Variants in FOXP1 observed in about 807,000 individuals in gnomAD.
The protein encoded by FOXP1 is forkhead box protein P1.
Under a neutral mutation model 98.2 loss-of-function variants are expected in FOXP1, and 15 were observed. The observed-to-expected ratio is 0.15, with a 90% CI of 0.10 to 0.24. The LOEUF is 0.24. FOXP1 is among the 10% of genes least tolerant of loss of function. The probability of loss-of-function intolerance (pLI) is 1.00; values close to 1 mark genes in which losing one functional copy is unlikely to be tolerated. For missense variants in FOXP1, 633 were observed against 848.5 expected, an observed-to-expected ratio of 0.75 and a Z score of 3.15; for synonymous variants, 371 against 314.5, an observed-to-expected ratio of 1.18 and a Z score of -1.90.
intron 2 of FOXP1, among the ~76,000 whole-genome samples, chr3:71,555,964 A>T (rs2046097045): frequency 6.6e-6 from 1 of 152,134 alleles, no homozygotes; most frequent in Non-Finnish European, 1.5e-5. Context: ...AAAAGGAAAA[A>T]AAATTAAACA....
At chr3:71,291,712 A>ATTTTT (rs11438381) in intron 5 of FOXP1, among the ~76,000 whole-genome samples, 8 of 125,198 alleles carry the variant, frequency 6.4e-5, no homozygotes, top group Admixed American at 6.1e-4. Context: ...CTTATTCTGT[A>ATTTTT]TTTTTTTTTT....
chr3:71,147,735 A>G (rs1236583009), intron 6 of FOXP1, among the ~76,000 whole-genome samples: 1 of 152,214 alleles, frequency 6.6e-6, no homozygotes. Context: ...CCAAATGAAT[A>G]AATGATCATA....
chr3:71,291,345 T>C (rs1220355075), intron 5 of FOXP1, among the ~76,000 whole-genome samples: 1 of 152,264 alleles, frequency 6.6e-6, no homozygotes, highest in Non-Finnish European at 1.5e-5. Context: ...ATGTAATCGA[T>C]GAAGAAAAAT....
intron 6 of FOXP1, among the ~76,000 whole-genome samples, chr3:71,145,738 C>T (rs2060279692): frequency 6.6e-6 from 1 of 151,944 alleles, no homozygotes; most frequent in Non-Finnish European, 1.5e-5. Flanking sequence ...TTTCCCTTTC[C>T]CTATAATTTT....
At chr3:71,313,555 T>G (rs2074856103) in intron 4 of FOXP1, among the ~76,000 whole-genome samples, 1 of 151,444 alleles carries the variant, frequency 6.6e-6, no homozygotes, top group African/African-American at 2.4e-5. Context: ...TGAGACAGTC[T>G]CGCACTCTCG....
Position 70,972,236 on chromosome 3 carries a change from G to A in FOXP1, c.1652+319C>T, listed in dbSNP as rs538537151. ...AGTGGCAACAAAAGGAGACGGGGTT[G>A]GGGGCAGAACAGACATCCAATACAG... On this transcript the variant is annotated intron_variant, in intron 18 of 20. Transcript: ENST00000649528. 2.9e-5 allele frequency: 42 copies of A among 1,425,362 alleles called. No individual in the cohort carries two copies. In the African/African-American group the frequency reaches 4.2e-4, roughly 14 times the overall value. The allele number at this position is 1,425,362 out of a possible 1,614,324, so 88.3% of individuals were successfully genotyped here.
At chr3:71,462,265 TG>T (rs2088212360) in intron 3 of FOXP1, among the ~76,000 whole-genome samples, 1 of 152,230 alleles carries the variant, frequency 6.6e-6, no homozygotes, top group South Asian at 2.1e-4. Flanking sequence ...TTTACCATTT[TG>T]TTTGAAAGGC....
intron 5 of FOXP1, among the ~76,000 whole-genome samples, chr3:71,274,805 C>T (rs951221831): frequency 2.0e-5 from 3 of 152,140 alleles, no homozygotes; most frequent in Non-Finnish European, 4.4e-5. Context: ...AGCAATCTTA[C>T]TGATTTTCAC....
chr3:71,416,608 C>A (rs546674418), intron 3 of FOXP1, among the ~76,000 whole-genome samples: 5 of 148,462 alleles, frequency 3.4e-5, no homozygotes, highest in Admixed American at 3.4e-4. Context: ...AAAAAAATGA[C>A]GTATGGTCAG....
chr3:71,215,966 G>A (rs892387165), intron 5 of FOXP1, among the ~76,000 whole-genome samples: 10 of 152,222 alleles, frequency 6.6e-5, no homozygotes, highest in Non-Finnish European at 1.3e-4. Flanking sequence ...GTTTGTTGAA[G>A]TCAAGAAGGT....
At chr3:71,069,980 A>G (rs1249614756) in intron 7 of FOXP1, among the ~76,000 whole-genome samples, 1 of 152,086 alleles carries the variant, frequency 6.6e-6, no homozygotes, top group African/African-American at 2.4e-5. Context: ...CCTCCCATGC[A>G]ACACCACCCT....
intron 3 of FOXP1, among the ~76,000 whole-genome samples, chr3:71,435,177 C>T (rs1013455418): frequency 1.2e-4 from 13 of 110,838 alleles, no homozygotes; most frequent in East Asian, 9.9e-4. Flanking sequence ...GGAAAGGGGA[C>T]GGTAGAAAGG....
chr3:71,442,660 T>C (rs2086052628), intron 3 of FOXP1, among the ~76,000 whole-genome samples: 1 of 152,106 alleles, frequency 6.6e-6, no homozygotes, highest in Non-Finnish European at 1.5e-5. Flanking sequence ...CTTGGTTTTT[T>C]CTTTTGTTTT....
chr3:71,299,285 A>C (rs533889711), intron 5 of FOXP1, among the ~76,000 whole-genome samples: 3 of 152,360 alleles, frequency 2.0e-5, no homozygotes, highest in South Asian at 2.1e-4. Context: ...CAAGAGAACA[A>C]GGCAGCCTAG....
chr3:71,237,047 C>A (rs191643988), intron 5 of FOXP1, among the ~76,000 whole-genome samples: 1 of 150,810 alleles, frequency 6.6e-6, no homozygotes, highest in Admixed American at 6.6e-5. Context: ...GCCTGACCAA[C>A]ATGGTGAAAC....
intron 11 of FOXP1, among the ~76,000 whole-genome samples, chr3:71,039,108 T>C (rs73119655): frequency 2.0e-5 from 3 of 152,200 alleles, no homozygotes; most frequent in Non-Finnish European, 4.4e-5. Flanking sequence ...AGGAACCTAC[T>C]AGATAATACA....
At chr3:71,317,741 A>G (rs1272359848) in intron 4 of FOXP1, among the ~76,000 whole-genome samples, 2 of 152,162 alleles carry the variant, frequency 1.3e-5, no homozygotes, top group East Asian at 1.9e-4. Context: ...CCCCCACACA[A>G]TTGTTATTTT....
chr3:71,544,010 T>G (rs1214672138), intron 2 of FOXP1, among the ~76,000 whole-genome samples: 2 of 79,738 alleles, frequency 2.5e-5, no homozygotes, highest in Non-Finnish European at 8.1e-5. Flanking sequence ...CATGTATGTG[T>G]GTATACACAC....
At chr3:71,423,576 T>G (rs1394462767) in intron 3 of FOXP1, among the ~76,000 whole-genome samples, 1 of 152,232 alleles carries the variant, frequency 6.6e-6, no homozygotes, top group Non-Finnish European at 1.5e-5. Context: ...TCAGACATGG[T>G]TCTACCAGGG....
Sources: gnomAD v4.1 joint callset for allele counts (sites outside exome capture counted in the v4.1 genomes callset) on GRCh38, gnomAD v4.1.1 for gene constraint, MANE v1.5 for transcripts, NCBI Gene and HGNC (gene_info 2026-07-23, HGNC 2026-07-21) for gene names.